The following LRMDA variants were observed in gnomAD, a reference collection of about 807,000 sequenced individuals.
LRMDA encodes leucine-rich melanocyte differentiation-associated protein.
Under a neutral mutation model 29.8 loss-of-function variants are expected in LRMDA, and 18 were observed. The observed-to-expected ratio is 0.60, with a 90% CI of 0.42 to 0.90. The LOEUF (loss-of-function observed/expected upper bound fraction) is 0.90. Among genes scored for constraint, LRMDA ranks in the 40% least tolerant of loss-of-function variants. The pLI is 0.00. For missense variants in LRMDA, 273 were observed against 273.9 expected (o/e 1.00, Z 0.02); for synonymous variants, 125 against 109.4 (o/e 1.14, Z -0.89).
At chr10:75,963,485 G>T (rs148388606) in intron 2 of LRMDA, among the ~76,000 whole-genome samples, 18 of 152,204 alleles carry the variant, frequency 1.2e-4, no homozygotes, top group Admixed American at 3.9e-4. Flanking sequence ...ATTGTGTTTT[G>T]TCCCTTAATT....
intron 3 of LRMDA, among the ~76,000 whole-genome samples, chr10:76,041,343 T>C (rs1564636857): frequency 6.6e-6 from 1 of 152,174 alleles, no homozygotes; most frequent in Non-Finnish European, 1.5e-5. Context: ...ATAAGTCACT[T>C]TTTCCTCTAG....
chr10:75,454,236 G>A (rs915658452), intron 2 of LRMDA, among the ~76,000 whole-genome samples: 1 of 152,174 alleles, frequency 6.6e-6, no homozygotes, highest in Non-Finnish European at 1.5e-5. Flanking sequence ...CAGAAAGGTG[G>A]GGGAAGGTTT....
At chr10:76,285,346 G>C (rs1840258683) in intron 5 of LRMDA, among the ~76,000 whole-genome samples, 1 of 152,036 alleles carries the variant, frequency 6.6e-6, no homozygotes, top group African/African-American at 2.4e-5. Context: ...TCTCAGTGGA[G>C]GGAGGGGGCA....
At chr10:75,537,689 G>A (rs1362635061) in intron 2 of LRMDA, among the ~76,000 whole-genome samples, 1 of 152,240 alleles carries the variant, frequency 6.6e-6, no homozygotes, top group Non-Finnish European at 1.5e-5. Context: ...GGGCCGGGGA[G>A]AGCATTTGCA....
chr10:76,134,983 T>A (rs1850067140), intron 5 of LRMDA, among the ~76,000 whole-genome samples: 2 of 152,244 alleles, frequency 1.3e-5, no homozygotes, highest in South Asian at 4.1e-4. Flanking sequence ...CTGCGGCCTT[T>A]GAAAATTTAA....
chr10:75,503,035 T>G (rs1845132384), intron 2 of LRMDA, among the ~76,000 whole-genome samples: 1 of 152,154 alleles, frequency 6.6e-6, no homozygotes, highest in Admixed American at 6.5e-5. Flanking sequence ...CTCAAAACAC[T>G]GAAGCACCTG....
chr10:76,048,020 A>C (rs1439716130), intron 4 of LRMDA, among the ~76,000 whole-genome samples: 1 of 152,008 alleles, frequency 6.6e-6, no homozygotes, highest in African/African-American at 2.4e-5. Context: ...AAGTCACCTA[A>C]TTTTCCTTCT....
chr10:75,835,613 C>A (rs911313954), intron 2 of LRMDA, among the ~76,000 whole-genome samples: 10 of 152,316 alleles, frequency 6.6e-5, no homozygotes, highest in African/African-American at 2.2e-4. Flanking sequence ...AGGAACTAAT[C>A]TGGGAGTCAG....
chr10:75,467,513 C>T lies in LRMDA; in HGVS notation c.131+29019C>T, dbSNP rs372583499. The stretch of plus-strand genomic sequence containing the variant: ...TCTTCTTTTTCCCTCCTGAATTTTT[C>T]CCACGTTTTACCTCTCTTCAAGATA... On this transcript the variant is annotated intron_variant, in intron 2 of 6. Transcript: ENST00000611255. 3.2e-3 allele frequency among the ~76,000 whole-genome samples: 488 copies of T among 152,246 alleles called. 4 individuals carry two copies. The highest frequency in any genetic ancestry group is 0.011 in the African/African-American group (442 of 41,522).
chr10:76,276,006 A>AATCAATCT (rs1554861585), intron 5 of LRMDA, among the ~76,000 whole-genome samples: 9 of 146,724 alleles, frequency 6.1e-5, no homozygotes, highest in Non-Finnish European at 9.0e-5. Context: ...CAATCTAGTG[A>AATCAATCT]ATCTATCTAT....
chr10:75,564,013 G>A (rs951537632), intron 2 of LRMDA, among the ~76,000 whole-genome samples: 53 of 152,194 alleles, frequency 3.5e-4, no homozygotes, highest in African/African-American at 1.1e-3. Flanking sequence ...TAGTCTGCCC[G>A]TTCTCAGATC....
At chr10:75,642,133 G>T (rs1165693020) in intron 2 of LRMDA, among the ~76,000 whole-genome samples, 1 of 152,182 alleles carries the variant, frequency 6.6e-6, no homozygotes, top group Admixed American at 6.5e-5. Context: ...GCAGATTCAT[G>T]AACAGGGTGG....
intron 6 of LRMDA, among the ~76,000 whole-genome samples, chr10:76,427,550 C>T (rs1024105397): frequency 6.6e-6 from 1 of 152,274 alleles, no homozygotes; most frequent in African/African-American, 2.4e-5. Context: ...CATCTGCAAA[C>T]AGGGACAATT....
intron 6 of LRMDA, among the ~76,000 whole-genome samples, chr10:76,331,353 G>T (rs965375401): frequency 9.2e-5 from 14 of 152,152 alleles, no homozygotes; most frequent in Non-Finnish European, 1.9e-4. Context: ...CTCACCTAAG[G>T]TCAGGCCCTA....
intron 2 of LRMDA, among the ~76,000 whole-genome samples, chr10:75,753,667 G>A (rs146801441): frequency 1.3e-5 from 2 of 152,296 alleles, no homozygotes; most frequent in Admixed American, 6.5e-5. Flanking sequence ...AAGGAGTTTG[G>A]CTTTGATTCT....
chr10:75,734,476 C>T (rs1842737120), intron 2 of LRMDA, among the ~76,000 whole-genome samples: 1 of 152,192 alleles, frequency 6.6e-6, no homozygotes, highest in Non-Finnish European at 1.5e-5. Context: ...TCGGTCCCTA[C>T]TGTTTAGACT....
intron 6 of LRMDA, among the ~76,000 whole-genome samples, chr10:76,545,022 T>C (rs1282552615): frequency 6.6e-6 from 1 of 152,124 alleles, no homozygotes; most frequent in Non-Finnish European, 1.5e-5. Flanking sequence ...AAGAGTTTGT[T>C]TGGATTCTAA....
intron 2 of LRMDA, among the ~76,000 whole-genome samples, chr10:75,685,855 A>C (rs1842075511): frequency 6.6e-6 from 1 of 152,216 alleles, no homozygotes; most frequent in Non-Finnish European, 1.5e-5. Flanking sequence ...ACAAACAAAA[A>C]CAACAACATA....
chr10:76,258,914 C>T (rs1334402960), intron 5 of LRMDA, among the ~76,000 whole-genome samples: 4 of 152,090 alleles, frequency 2.6e-5, no homozygotes, highest in East Asian at 3.9e-4. Context: ...GTGAATAGTG[C>T]TGCAATAAAT....
Sources: gnomAD v4.1 joint callset for allele counts (sites outside exome capture counted in the v4.1 genomes callset) on GRCh38, gnomAD v4.1.1 for gene constraint, MANE v1.5 for transcripts, NCBI Gene and HGNC (gene_info 2026-07-23, HGNC 2026-07-21) for gene names.